The following LTBP1 variants were observed in gnomAD, a reference collection of about 807,000 sequenced individuals.
The protein encoded by LTBP1 is latent transforming growth factor beta binding protein 1.
LTBP1 carries 129 observed loss-of-function variants against 207.6 expected under a neutral mutation model. The ratio of observed to expected loss-of-function variants is 0.62; its 90% CI spans 0.54 to 0.72. The LOEUF (loss-of-function observed/expected upper bound fraction) is 0.72, where lower values mean the gene tolerates loss of function less well. Among genes scored for constraint, LTBP1 ranks in the 30% least tolerant of loss-of-function variants. The pLI is 0.00. For missense variants in LTBP1, 2,281 were observed against 2,217.2 expected, an observed-to-expected ratio of 1.03 and a Z score of -0.58; for synonymous variants, 963 against 833.7, an observed-to-expected ratio of 1.16 and a Z score of -2.67.
chr2:33,388,930 C>G (rs2095291112), intron 31 of LTBP1, among the ~76,000 whole-genome samples: 1 of 152,210 alleles, frequency 6.6e-6, no homozygotes, highest in Admixed American at 6.5e-5. Flanking sequence ...GGGATGTGGT[C>G]TACCCACTGT....
chr2:33,116,726 A>C (rs951284876), intron 4 of LTBP1, among the ~76,000 whole-genome samples: 1 of 151,236 alleles, frequency 6.6e-6, no homozygotes, highest in South Asian at 2.1e-4. Context: ...ATGTACTAAC[A>C]TGGGGGAGAG....
chr2:33,117,538 A>G (rs1291310565), intron 4 of LTBP1, among the ~76,000 whole-genome samples: 1 of 152,188 alleles, frequency 6.6e-6, no homozygotes, highest in African/African-American at 2.4e-5. Flanking sequence ...GACTTACAAG[A>G]GACATTCAAG....
intron 3 of LTBP1, among the ~76,000 whole-genome samples, chr2:33,082,182 C>T (rs219096): frequency 0.75 from 114,173 of 152,008 alleles, 45,206 homozygotes; most frequent in East Asian, 0.98. Flanking sequence ...AGCTCAGCCC[C>T]CTTTTCTCTC....
intron 1 of LTBP1, among the ~76,000 whole-genome samples, 155 bp downstream of exon 1, chr2:32,947,973 C>T (rs1676503784): frequency 6.6e-6 from 1 of 152,136 alleles, no homozygotes; most frequent in Non-Finnish European, 1.5e-5. Context: ...GCTCTGGGCG[C>T]CGCGGGAAGA....
At chr2:33,143,992 G>A (rs1488841821) in intron 5 of LTBP1, among the ~76,000 whole-genome samples, 1 of 151,898 alleles carries the variant, frequency 6.6e-6, no homozygotes, top group East Asian at 1.9e-4. Flanking sequence ...CACAAGAAGT[G>A]GCAGACTGAA....
chr2:33,340,948 C>G (rs2094611572), intron 24 of LTBP1, among the ~76,000 whole-genome samples: 1 of 152,114 alleles, frequency 6.6e-6, no homozygotes, highest in Admixed American at 6.5e-5. Context: ...AAGTTTAATT[C>G]CCCCCAAACT....
At chr2:33,393,234 C>CTTTTTTTTTTTTTTTTT (rs569734292) in intron 32 of LTBP1, among the ~76,000 whole-genome samples, 1 of 48,740 alleles carries the variant, frequency 2.1e-5, no homozygotes, top group Non-Finnish European at 3.8e-5. Flanking sequence ...CCTTCTTCTT[C>CTTTTTTTTTTTTTTTTT]TTTTTTTTTT....
Position 33,151,024 on chromosome 2 carries a change from A to G in LTBP1, c.1201+16064A>G, listed in dbSNP as rs140395035. Among the ~76,000 whole-genome samples the G allele has an allele frequency of 3.0e-3, 450 of 151,920 alleles. 1 individual carries two copies. The highest frequency in any genetic ancestry group is 6.8e-3 in the Middle Eastern group (2 of 294). On this transcript the variant is annotated intron_variant, in intron 5 of 33. Coordinates refer to ENST00000404816, the MANE Select transcript of LTBP1 (RefSeq NM_206943.4). ...CAAAGTGCTGGGATTACAGGCGTGA[A>G]CCACCACACCTGGTCTCACTTACTG...
At chr2:33,391,419 A>G (rs373218048) in intron 32 of LTBP1, among the ~76,000 whole-genome samples, 1 of 152,166 alleles carries the variant, frequency 6.6e-6, no homozygotes, top group Non-Finnish European at 1.5e-5. Context: ...TGTATATGTT[A>G]CGGGTCAGTA....
intron 2 of LTBP1, among the ~76,000 whole-genome samples, chr2:32,982,008 G>A (rs918034992): frequency 6.6e-6 from 1 of 152,240 alleles, no homozygotes; most frequent in East Asian, 1.9e-4. Context: ...ACCCGAAAAT[G>A]TGGAAGCAAC....
At chr2:33,107,460 C>G (rs1489299026) in intron 3 of LTBP1, among the ~76,000 whole-genome samples, 1 of 151,666 alleles carries the variant, frequency 6.6e-6, no homozygotes, top group African/African-American at 2.4e-5. Flanking sequence ...TAGAACAGGT[C>G]TGGATCAATC....
intron 3 of LTBP1, among the ~76,000 whole-genome samples, chr2:33,110,112 T>TG (rs1274437591): frequency 6.6e-6 from 1 of 152,190 alleles, no homozygotes; most frequent in African/African-American, 2.4e-5. Context: ...TTTTTAGAGA[T>TG]GGGGTCTCAC....
chr2:33,309,360 A>G (rs889086050), intron 22 of LTBP1, 74 bp from the exon 23 acceptor site: 1 of 1,001,010 alleles, frequency 1.0e-6, no homozygotes, highest in Non-Finnish European at 1.5e-6. Flanking sequence ...GTGTACCTTT[A>G]CATGTAAGAG....
intron 3 of LTBP1, 59 bp downstream of exon 3, chr2:33,021,265 T>C: frequency 2.1e-6 from 3 of 1,453,956 alleles, no homozygotes; most frequent in South Asian, 2.8e-5. Context: ...CTTGGATGCC[T>C]TGCTTTAAAT....
At chr2:32,964,158 T>C (rs775081027) in intron 2 of LTBP1, among the ~76,000 whole-genome samples, 5 of 152,156 alleles carry the variant, frequency 3.3e-5, no homozygotes, top group Non-Finnish European at 5.9e-5. Context: ...GCTGACTCCA[T>C]CCTGGAAGTT....
chr2:33,243,699 T>C lies in LTBP1; in HGVS notation c.1914T>C (p.Asn638=). The C allele has an allele frequency of 6.2e-7, 1 of 1,613,984 alleles. No homozygotes were observed. Among genetic ancestry groups the C allele is most frequent in the Middle Eastern group, 1.7e-4 (1 of 6,060 alleles). Residue 638 remains asparagine, a synonymous_variant, in exon 10 of 34, where the codon AAT becomes AAC. Coordinates refer to ENST00000404816, the MANE Select transcript of LTBP1 (RefSeq NM_206943.4). The part of the protein sequence containing the change: ...NECQLQGVCP[N]GECLNTMGSY... ...GTCAGCTACAAGGTGTATGCCCTAA[T>C]GGTGAGTGTTTGAATACCATGGGCA...
In LTBP1 at chr2:33,394,541, G is replaced by C. The variant is rs145009590; in HGVS notation, c.4835-2592G>C. On this transcript the variant is annotated intron_variant, in intron 32 of 33. Transcript: ENST00000404816. ...GCTAGCCAGTTTTCCCAGCACCATA[G>C]CACCATTTATTAAATAGGAAATCCT... Among the ~76,000 whole-genome samples, 851 of 152,174 alleles carry C rather than the reference G, an allele frequency of 5.6e-3. 8 individuals are homozygous for C. Among genetic ancestry groups the C allele is most frequent in the African/African-American group, 0.02 (821 of 41,548 alleles).
chr2:33,149,074 G>A (rs1420757574), intron 5 of LTBP1, among the ~76,000 whole-genome samples: 1 of 151,958 alleles, frequency 6.6e-6, no homozygotes, highest in Non-Finnish European at 1.5e-5. Flanking sequence ...AATTAGCTGG[G>A]CGTGGTGGCA....
chr2:33,033,837 C>T (rs1367298960), intron 3 of LTBP1, among the ~76,000 whole-genome samples: 1 of 152,150 alleles, frequency 6.6e-6, no homozygotes, highest in Non-Finnish European at 1.5e-5. Flanking sequence ...CTTGAAAAAA[C>T]TTCAACTAGC....
Sources: gnomAD v4.1 joint callset for allele counts (sites outside exome capture counted in the v4.1 genomes callset) on GRCh38, gnomAD v4.1.1 for gene constraint, MANE v1.5 for transcripts, NCBI Gene and HGNC (gene_info 2026-07-23, HGNC 2026-07-21) for gene names.